PRKCQ: variants seen among roughly 807,000 people sequenced by gnomAD.
PRKCQ encodes protein kinase C theta.
A neutral mutation model predicts 91.2 loss-of-function variants in PRKCQ; 41 were observed. The observed-to-expected ratio is 0.45, with a 90% CI of 0.35 to 0.58. The LOEUF (loss-of-function observed/expected upper bound fraction) is 0.58. Among genes scored for constraint, PRKCQ ranks in the 20% least tolerant of loss-of-function variants. PRKCQ has a pLI of 0.00. For synonymous variants in PRKCQ, 307 were observed against 316.9 expected (o/e 0.97, Z 0.33); for missense variants, 673 against 896.5 (o/e 0.75, Z 3.18).
At chr10:6,496,669 C>CT (rs961541601) in intron 7 of PRKCQ, among the ~76,000 whole-genome samples, 122 of 145,304 alleles carry the variant, frequency 8.4e-4, no homozygotes, top group Admixed American at 8.3e-4. Context: ...GTGCAGATTT[C>CT]TTTTTTTTTT....
chr10:6,543,939 A>C (rs934245279), intron 1 of PRKCQ, among the ~76,000 whole-genome samples: 4 of 152,168 alleles, frequency 2.6e-5, no homozygotes, highest in African/African-American at 9.7e-5. Flanking sequence ...TGTGAAAAGG[A>C]AAGACATGAC....
chr10:6,498,923 C>T (rs942170832), intron 4 of PRKCQ, among the ~76,000 whole-genome samples: 12 of 152,158 alleles, frequency 7.9e-5, no homozygotes, highest in Non-Finnish European at 8.8e-5. Flanking sequence ...ATGACTCAGT[C>T]AGAAAAGGCA....
intron 1 of PRKCQ, among the ~76,000 whole-genome samples, chr10:6,521,886 T>C (rs1189721866): frequency 6.8e-6 from 1 of 146,226 alleles, no homozygotes; most frequent in African/African-American, 2.6e-5. Flanking sequence ...TCATGATATG[T>C]ACTATGTTAT....
chr10:6,502,477 G>A (rs1356803381), intron 4 of PRKCQ, among the ~76,000 whole-genome samples: 5 of 152,202 alleles, frequency 3.3e-5, no homozygotes, highest in African/African-American at 7.2e-5. Context: ...GAGTGCAGAG[G>A]GTGAAGCAGA....
Position 6,576,588 on chromosome 10 carries a change from G to A in PRKCQ, c.-10+3623C>T, listed in dbSNP as rs1841246686. Among the ~76,000 whole-genome samples, 1 of 152,230 alleles carries A rather than the reference G, an allele frequency of 6.6e-6. No homozygotes were observed. Among genetic ancestry groups the A allele is most frequent in the Non-Finnish European group, 1.5e-5 (1 of 68,040 alleles). On this transcript the variant is annotated intron_variant, in intron 1 of 17. Transcript: ENST00000263125. This position sits in a 1 kb window ranked among gnomAD's most constrained non-coding sequence, Gnocchi z 4.2. ...AATGTTCCACGAGGACAGAGTTTCA[G>A]TTTTAGGAGATGAGAAGAATCCTGT... is the stretch of plus-strand genomic sequence containing the variant.
chr10:6,566,570 G>A (rs1272906998), intron 1 of PRKCQ, among the ~76,000 whole-genome samples: 2 of 152,172 alleles, frequency 1.3e-5, no homozygotes, highest in African/African-American at 4.8e-5. Flanking sequence ...GACCCTGGCA[G>A]AGCAGGACTA....
the PRKCQ span, among the ~76,000 whole-genome samples, chr10:6,410,926 G>A: frequency 7.1e-6 from 1 of 141,354 alleles, no homozygotes. Context: ...TTAGTGAGCC[G>A]AGATCACACC....
Position 6,456,816 on chromosome 10 carries a change from A to G in PRKCQ, c.1509-4T>C, listed in dbSNP as rs554443182. 8 of 1,613,580 alleles carry G rather than the reference A, an allele frequency of 5.0e-6. No homozygotes were observed. In the East Asian group the frequency reaches 1.6e-4, roughly 31 times the overall value. On this transcript the variant is annotated splice_polypyrimidine_tract_variant and splice_region_variant and intron_variant, in intron 14 of 17. Coordinates refer to ENST00000263125, the MANE Select transcript of PRKCQ (RefSeq NM_006257.5). ...GATGTTATCTAGCTTCAGGTCCCTG[A>G]AAAACAAAAGTGAAGCAAATCTCAC...
downstream of PRKCQ, among the ~76,000 whole-genome samples, chr10:6,423,597 C>G (rs1012720407): frequency 6.6e-6 from 1 of 152,152 alleles, no homozygotes. Flanking sequence ...CTCAGTAACT[C>G]CGGGAAGTGA....
At chr10:6,509,271 C>T (rs1326536928) in intron 3 of PRKCQ, among the ~76,000 whole-genome samples, 1 of 152,122 alleles carries the variant, frequency 6.6e-6, no homozygotes, top group East Asian at 1.9e-4. Context: ...ACAAATAGAA[C>T]AGCAACCTGC....
chr10:6,541,491 T>C (rs1839773208), intron 1 of PRKCQ, among the ~76,000 whole-genome samples: 1 of 152,178 alleles, frequency 6.6e-6, no homozygotes, highest in Non-Finnish European at 1.5e-5. Context: ...TCTGAAGGAA[T>C]TGTTGCCCCC....
intron 12 of PRKCQ, among the ~76,000 whole-genome samples, chr10:6,467,331 CAGACAGAG>C (rs1835713625): frequency 1.9e-5 from 2 of 107,086 alleles, no homozygotes; most frequent in African/African-American, 3.6e-5. Context: ...CAGAGAGAGA[CAGACAGAG>C]AGAGAGAGAG....
chr10:6,571,377 T>G (rs1841039724), intron 1 of PRKCQ, among the ~76,000 whole-genome samples: 1 of 152,188 alleles, frequency 6.6e-6, no homozygotes, highest in Non-Finnish European at 1.5e-5. Context: ...AGCTGAAAGC[T>G]CTCTAGTCTG....
chr10:6,502,310 C>T (rs187970768), intron 4 of PRKCQ, among the ~76,000 whole-genome samples: 53 of 152,262 alleles, frequency 3.5e-4, no homozygotes, highest in African/African-American at 1.2e-3. Flanking sequence ...TGTTTCTGTG[C>T]TGAATTCTGG....
chr10:6,407,662 A>G, the PRKCQ span, among the ~76,000 whole-genome samples: 56 of 150,676 alleles, frequency 3.7e-4, no homozygotes, highest in Admixed American at 8.2e-4. The surrounding 1 kb of genome is among the most constrained non-coding windows in gnomAD (Gnocchi z 4.0). Flanking sequence ...ATGTGAATGA[A>G]TGTGTGTGGT....
At chr10:6,540,100 C>A (rs926872959) in intron 1 of PRKCQ, among the ~76,000 whole-genome samples, 5 of 152,170 alleles carry the variant, frequency 3.3e-5, no homozygotes, top group African/African-American at 1.2e-4. Context: ...CTTTCTTTGT[C>A]AGAGTTTCTA....
intron 1 of PRKCQ, among the ~76,000 whole-genome samples, chr10:6,569,429 G>C (rs913443654): frequency 2.6e-5 from 4 of 152,060 alleles, no homozygotes; most frequent in Non-Finnish European, 5.9e-5. Context: ...AACCCGATGT[G>C]AGGGCTGGAG....
chr10:6,536,047 G>T (rs940162607), intron 1 of PRKCQ, among the ~76,000 whole-genome samples: 15 of 152,324 alleles, frequency 9.8e-5, no homozygotes, highest in African/African-American at 3.6e-4. Flanking sequence ...ACAGTAGGAA[G>T]TAAGGGGGAC....
chr10:6,406,919 T>C, the PRKCQ span, among the ~76,000 whole-genome samples: 32,003 of 152,208 alleles, frequency 0.21, 3,733 homozygotes, highest in Non-Finnish European at 0.26. Context: ...ATTTTCAGTA[T>C]GATGATTTAA....
Sources: gnomAD v4.1 joint callset for allele counts (sites outside exome capture counted in the v4.1 genomes callset) on GRCh38, gnomAD v4.1.1 for gene constraint, Gnocchi (gnomAD v3.1) non-coding constraint, MANE v1.5 for transcripts, NCBI Gene and HGNC (gene_info 2026-07-23, HGNC 2026-07-21) for gene names.